Variants in CPNE1 observed in about 807,000 individuals in gnomAD.
The protein encoded by CPNE1 is copine 1.
CPNE1 carries 58 observed loss-of-function variants against 63.2 expected under a neutral mutation model. The ratio of observed to expected loss-of-function variants is 0.92; its 90% CI spans 0.74 to 1.14. CPNE1 has a LOEUF of 1.14. Among genes scored for constraint, CPNE1 ranks in the 50% most tolerant of loss-of-function variants. CPNE1 has a pLI of 0.00. For missense variants in CPNE1, 672 were observed against 661.7 expected (o/e 1.02, Z -0.17); for synonymous variants, 237 against 249.0 (o/e 0.95, Z 0.45).
At chr20:35,655,988 T>C (rs2033876835) in intron 1 of CPNE1, among the ~76,000 whole-genome samples, 1 of 152,144 alleles carries the variant, frequency 6.6e-6, no homozygotes, top group Non-Finnish European at 1.5e-5. Flanking sequence ...AAACTACATA[T>C]GGAATTATTT....
intron 1 of CPNE1, chr20:35,654,801 A>C: frequency 2.5e-6 from 4 of 1,614,176 alleles, no homozygotes; most frequent in Non-Finnish European, 3.4e-6. Context: ...TGCTTGGAAC[A>C]GTTGAGCTAA....
At position 35,654,422 on chromosome 20, in the gene CPNE1, G is replaced by GGTT. The variant is rs1270186744; in HGVS notation, c.-1+10335_-1+10337dup. ...TGCACACTGACATACAGATCATCAG[G>GGTT]GTTGATGGGGAGTGGCTTCACACTG... On this transcript the variant is annotated intron_variant, in intron 1 of 15. Coordinates refer to ENST00000397443, the MANE Select transcript of CPNE1 (RefSeq NM_152925.3). The GGTT allele has an allele frequency of 1.9e-6, 3 of 1,614,034 alleles. No homozygotes were observed. In the African/African-American group the frequency reaches 4.0e-5, roughly 22 times the overall value.
chr20:35,637,855 C>A (rs2032575690), intron 1 of CPNE1, among the ~76,000 whole-genome samples: 1 of 152,158 alleles, frequency 6.6e-6, no homozygotes, highest in Non-Finnish European at 1.5e-5. Flanking sequence ...GCCAGGTTGG[C>A]CTTTCTGATC....
chr20:35,652,606 G>A, intron 1 of CPNE1: 2 of 1,614,144 alleles, frequency 1.2e-6, no homozygotes, highest in Non-Finnish European at 1.7e-6. Context: ...TTCATCCCGA[G>A]ACTCAAAGGC....
At chr20:35,653,493 A>G in intron 1 of CPNE1, 2 of 1,614,190 alleles carry the variant, frequency 1.2e-6, no homozygotes, top group Non-Finnish European at 1.7e-6. Flanking sequence ...CTTCTCTCCC[A>G]TTAAGTTTTT....
Position 35,630,470 on chromosome 20 carries a change from C to T in CPNE1, c.1071G>A (p.Leu357=), listed in dbSNP as rs770449304. 6.2e-7 allele frequency: 1 copy of T among 1,614,118 alleles called. No homozygotes were observed. Among genetic ancestry groups the T allele is most frequent in the South Asian group, 1.1e-5 (1 of 91,076 alleles). ...PDWQVSHEFA[L]NFNPSNPYCA... is the part of the protein sequence containing the mutation. Reference sequence around the variant, plus strand: ...AGTAGGGGTTACTGGGGTTGAAATTCAAGGCAAATTCATGCGAGACCTGGA... The same window carrying T: ...AGTAGGGGTTACTGGGGTTGAAATTTAAGGCAAATTCATGCGAGACCTGGA... Residue 357 remains leucine, a synonymous_variant, in exon 13 of 16, where the codon TTG becomes TTA. Coordinates refer to ENST00000397443, the MANE Select transcript of CPNE1 (RefSeq NM_152925.3).
At chr20:35,662,101 A>G (rs1036503415) in intron 1 of CPNE1, among the ~76,000 whole-genome samples, 2 of 152,164 alleles carry the variant, frequency 1.3e-5, no homozygotes, top group African/African-American at 4.8e-5. Flanking sequence ...TTATTCTGAC[A>G]CTGATGGAGA....
Position 35,626,273 on chromosome 20 carries a change from C to G in CPNE1, c.1582G>C (p.Ala528Pro). 1 of 1,614,114 alleles carries G rather than the reference C, an allele frequency of 6.2e-7. No homozygotes were observed. Among genetic ancestry groups the G allele is most frequent in the Non-Finnish European group, 8.5e-7 (1 of 1,180,024 alleles). Residue 528 changes from alanine to proline, a missense_variant, in exon 16 of 16, where the codon GCC becomes CCC. Coordinates refer to ENST00000397443, the MANE Select transcript of CPNE1 (RefSeq NM_152925.3). ...TGGGGGGCCTGTGCAGGATCCTTGG[C>G]TGAGGGTGGAAGTGGCTTGAGCGGG... ...WAPLKPLPPS[A>P]KDPAQAPQA is the part of the protein sequence containing the mutation.
intron 1 of CPNE1, among the ~76,000 whole-genome samples, chr20:35,663,897 T>G (rs1213665060): frequency 6.6e-6 from 1 of 151,922 alleles, no homozygotes; most frequent in African/African-American, 2.4e-5. Context: ...CAATTAACTC[T>G]CCATCAAAAG....
intron 1 of CPNE1, among the ~76,000 whole-genome samples, chr20:35,636,690 G>A (rs1032828216): frequency 1.3e-5 from 2 of 151,990 alleles, no homozygotes; most frequent in South Asian, 2.1e-4. Context: ...CCAGCTACTC[G>A]GGAGCCAGGA....
Position 35,626,581 on chromosome 20 carries a change from G to A in CPNE1, c.1459C>T (p.Arg487Cys), listed in dbSNP as rs185008214. The A allele has an allele frequency of 2.0e-5, 33 of 1,613,918 alleles. No homozygotes were observed. The highest frequency in any genetic ancestry group is 1.8e-4 in the Admixed American group (11 of 60,000). ...ARDIVQFVPY[R>C]RFQNAPREAL... ...CACCTACTCACATTCTGGAACCGGC[G>A]GTAGGGTACAAACTGCACAATGTCG... The change falls in exon 15 of 16, where the codon CGC becomes TGC. Residue 487 changes from arginine (R) to cysteine (C), a missense_variant. Arg to Cys is a radical substitution (Grantham distance 180). Transcript: ENST00000397443.
chr20:35,630,391 C>T lies in CPNE1; in HGVS notation c.1102+48G>A, dbSNP rs753717285. 2.0e-6 allele frequency: 3 copies of T among 1,514,410 alleles called. No homozygotes were observed. In the Admixed American group the frequency reaches 5.1e-5, roughly 26 times the overall value. 93.8% of individuals were successfully genotyped at this position (1,514,410 alleles called of 1,614,324 possible). On this transcript the variant is annotated intron_variant, in intron 13 of 15. Transcript: ENST00000397443. ...CTCCCTTTTACTCATGCAGGCTTGCCCCTCTTTGTGTGGACAGACCTGCCT... is the reference window on the plus strand; with the variant it reads ...CTCCCTTTTACTCATGCAGGCTTGCTCCTCTTTGTGTGGACAGACCTGCCT...
At chr20:35,646,252 CAAAAAAAAAAA>C (rs549372063) in intron 1 of CPNE1, among the ~76,000 whole-genome samples, 6,543 of 58,350 alleles carry the variant, frequency 0.11, 184 homozygotes, top group African/African-American at 0.17. Flanking sequence ...AAGACCATCT[CAAAAAAAAAAA>C]AAAAAAAAAA....
At chr20:35,627,490 A>C in intron 13 of CPNE1, 77 bp from the exon 14 acceptor site, 2 of 1,465,826 alleles carry the variant, frequency 1.4e-6, no homozygotes, top group Non-Finnish European at 1.8e-6. Context: ...ACCCCATCCC[A>C]GCCCAGGAGA....
chr20:35,663,788 T>C (rs888532396), intron 1 of CPNE1, among the ~76,000 whole-genome samples: 5 of 152,210 alleles, frequency 3.3e-5, no homozygotes, highest in Non-Finnish European at 5.9e-5. Flanking sequence ...CCTGCTGCAC[T>C]GGCGTCCAAC....
At position 35,653,833 on chromosome 20, in the gene CPNE1, T is replaced by C. The variant is rs764658323; in HGVS notation, c.-1+10927A>G. 1.5e-5 allele frequency: 24 copies of C among 1,613,794 alleles called. No homozygotes were observed. Among genetic ancestry groups the C allele is most frequent in the Admixed American group, 1.3e-4 (8 of 60,010 alleles). The stretch of plus-strand genomic sequence containing the variant: ...AATTGGATGAACTTGAATAAAGCGA[T>C]TGCCCATGTACTGTTTATGACGACA... On this transcript the variant is annotated intron_variant, in intron 1 of 15. Transcript: ENST00000397443.
intron 1 of CPNE1, among the ~76,000 whole-genome samples, chr20:35,658,080 T>TA (rs1418910615): frequency 2.7e-5 from 4 of 150,134 alleles, no homozygotes; most frequent in African/African-American, 9.9e-5. Flanking sequence ...AAATAAAAAT[T>TA]TAAAAAAAAA....
At chr20:35,648,369 G>A (rs1056421580) in intron 1 of CPNE1, among the ~76,000 whole-genome samples, 2 of 152,176 alleles carry the variant, frequency 1.3e-5, no homozygotes, top group Non-Finnish European at 2.9e-5. Context: ...ATTTCTTGCT[G>A]TAAAACACTG....
Position 35,630,421 on chromosome 20 carries a change from G to A in CPNE1, c.1102+18C>T. ...TTTGTGTGGACAGACCTGCCTCAGG[G>A]TGGATGGGGAAACTTACCTGCACAG... On this transcript the variant is annotated intron_variant, in intron 13 of 15. Transcript: ENST00000397443. 6.2e-7 allele frequency: 1 copy of A among 1,612,686 alleles called. No homozygotes were observed. Among genetic ancestry groups the A allele is most frequent in the Non-Finnish European group, 8.5e-7 (1 of 1,178,654 alleles).
Sources: gnomAD v4.1 joint callset for allele counts (sites outside exome capture counted in the v4.1 genomes callset) on GRCh38, gnomAD v4.1.1 for gene constraint, MANE v1.5 for transcripts, NCBI Gene and HGNC (gene_info 2026-07-23, HGNC 2026-07-21) for gene names.